PLA2G12A: variants seen among roughly 807,000 people sequenced by gnomAD.
PLA2G12A encodes group XIIA secretory phospholipase A2.
Under a neutral mutation model 16.0 loss-of-function variants are expected in PLA2G12A, and 11 were observed. That is an observed-to-expected ratio of 0.69 (90% CI 0.43 to 1.13). The LOEUF (loss-of-function observed/expected upper bound fraction) is 1.13. PLA2G12A is among the 50% of genes most tolerant of loss of function. PLA2G12A has a pLI of 0.00. For missense variants in PLA2G12A, 214 were observed against 237.3 expected (o/e 0.90, Z 0.65); for synonymous variants, 77 against 93.8 (o/e 0.82, Z 1.03).
At chr4:109,725,301 A>C (rs941944233) in intron 1 of PLA2G12A, among the ~76,000 whole-genome samples, 1 of 152,252 alleles carries the variant, frequency 6.6e-6, no homozygotes, top group Admixed American at 6.5e-5. Flanking sequence ...TTTAAATTAA[A>C]ATAGTTATTT....
chr4:109,713,190 A>T lies in PLA2G12A; in HGVS notation c.*1187T>A. On this transcript the variant is annotated 3_prime_UTR_variant, in exon 4 of 4. Transcript: ENST00000243501. ...TGGCTTGAGGTCCCAGGCTAGGGAA[A>T]GGTTAACAACCAGTAGTCAGCAAAG... is the stretch of plus-strand genomic sequence containing the variant. 6.6e-6 allele frequency: 1 copy of T among 152,214 alleles called. No homozygotes were observed. Among genetic ancestry groups the T allele is most frequent in the African/African-American group, 2.4e-5 (1 of 41,460 alleles). The allele number at this position is 152,214 out of a possible 1,614,324, so 9.4% of individuals were successfully genotyped here. A position where few individuals can be genotyped will look rare whatever the true frequency, so the allele number is the denominator to read the frequency against.
intron 2 of PLA2G12A, among the ~76,000 whole-genome samples, chr4:109,718,160 ATT>A (rs890345078): frequency 1.3e-5 from 2 of 152,084 alleles, no homozygotes; most frequent in African/African-American, 2.4e-5. Context: ...TACAACTCAA[ATT>A]TTTTTGTTTT....
chr4:109,723,212 T>TA (rs11385396), intron 1 of PLA2G12A, among the ~76,000 whole-genome samples: 89,894 of 149,358 alleles, frequency 0.6, 27,236 homozygotes, highest in African/African-American at 0.72. Context: ...TAGACAGTAG[T>TA]AAAAAAAAAA....
At chr4:109,718,550 C>CTTT (rs1248594748) in intron 2 of PLA2G12A, 133 bp downstream of exon 2, 9 of 648,944 alleles carry the variant, frequency 1.4e-5, no homozygotes, top group African/African-American at 1.9e-5. Flanking sequence ...CAAAAAGAAT[C>CTTT]TAATAAACCT....
In PLA2G12A at chr4:109,729,975, G is replaced by A. The variant is rs1170901160; in HGVS notation, c.-166C>T. The A allele has an allele frequency of 3.3e-6, 2 of 600,180 alleles. No individual in the cohort carries two copies. Among genetic ancestry groups the A allele is most frequent in the South Asian group, 4.6e-5 (2 of 43,922 alleles). 37.2% of individuals were successfully genotyped at this position (600,180 alleles called of 1,614,324 possible). The stretch of plus-strand genomic sequence containing the variant: ...GCCCTCAGGATCTCGCTGTCTTTAC[G>A]TGAACCGCCTCGGGCAGGCAGCGCC... On this transcript the variant is annotated 5_prime_UTR_variant, in exon 1 of 4. It adds an upstream start codon to the 5' untranslated region. Transcript: ENST00000243501.
Position 109,712,847 on chromosome 4 carries a change from G to C in PLA2G12A, c.*1530C>G, listed in dbSNP as rs568751068. On this transcript the variant is annotated 3_prime_UTR_variant, in exon 4 of 4. Coordinates refer to ENST00000243501, the MANE Select transcript of PLA2G12A (RefSeq NM_030821.5). ...TTACAAAACTGTACCTTTTATAAAG[G>C]TTTGAAATAAAGAATCAATTGAGGG... is the stretch of plus-strand genomic sequence containing the variant. 1 of 152,214 alleles carries C rather than the reference G, an allele frequency of 6.6e-6. No homozygotes were observed. The highest frequency in any genetic ancestry group is 2.4e-5 in the African/African-American group (1 of 41,554). 9.4% of individuals were successfully genotyped at this position (152,214 alleles called of 1,614,324 possible).
intron 3 of PLA2G12A, among the ~76,000 whole-genome samples, chr4:109,714,737 T>C (rs1276574116): frequency 6.7e-6 from 1 of 149,710 alleles, no homozygotes; most frequent in African/African-American, 2.5e-5. Flanking sequence ...CCCAATTTTT[T>C]TTTTTTTTTT....
chr4:109,723,952 TTATCC>T (rs1722868497), intron 1 of PLA2G12A, among the ~76,000 whole-genome samples: 1 of 152,130 alleles, frequency 6.6e-6, no homozygotes, highest in African/African-American at 2.4e-5. Flanking sequence ...AACATAATGT[TTATCC>T]TATGTTTCCA....
At chr4:109,718,661 T>C in intron 2 of PLA2G12A, 22 bp downstream of exon 2, 3 of 1,536,040 alleles carry the variant, frequency 2.0e-6, no homozygotes, top group Non-Finnish European at 8.9e-7. Flanking sequence ...ACAAAACTTA[T>C]CAAATAAAAG....
intron 1 of PLA2G12A, among the ~76,000 whole-genome samples, chr4:109,728,543 C>T (rs2126169323): frequency 6.6e-6 from 1 of 152,322 alleles, no homozygotes; most frequent in South Asian, 2.1e-4. Flanking sequence ...AGAAGCAATG[C>T]AACATGTCTC....
At position 109,711,631 on chromosome 4, in the gene PLA2G12A, A is replaced by C. The variant is rs1405968223; in HGVS notation, c.*2746T>G. The C allele has an allele frequency of 6.6e-6, 1 of 152,188 alleles. No individual in the cohort carries two copies. The highest frequency in any genetic ancestry group is 6.6e-5 in the Admixed American group (1 of 15,260). The allele number at this position is 152,188 out of a possible 1,614,324, so 9.4% of individuals were successfully genotyped here. On this transcript the variant is annotated 3_prime_UTR_variant, in exon 4 of 4. Coordinates refer to ENST00000243501, the MANE Select transcript of PLA2G12A (RefSeq NM_030821.5). ...CAAATTAGGGTGGGAGGGAGAAACA[A>C]ATTTTCCATATAGAAAAATTCCAAA...
At chr4:109,724,532 T>C (rs1322642553) in intron 1 of PLA2G12A, among the ~76,000 whole-genome samples, 2 of 152,178 alleles carry the variant, frequency 1.3e-5, no homozygotes, top group Admixed American at 1.3e-4. Flanking sequence ...ATTTCAAATC[T>C]ATAAAAACAT....
chr4:109,723,974 T>C (rs1417405987), intron 1 of PLA2G12A, among the ~76,000 whole-genome samples: 2 of 152,214 alleles, frequency 1.3e-5, no homozygotes, highest in East Asian at 3.8e-4. Flanking sequence ...TCCAACTTTT[T>C]AGACACCTTG....
rs776611854 is a variant in PLA2G12A at position 109,718,767 on chromosome 4, A to T, written c.209-8T>A. 6 of 1,530,310 alleles carry T rather than the reference A, an allele frequency of 3.9e-6. No individual in the cohort carries two copies. Among genetic ancestry groups the T allele is most frequent in the Non-Finnish European group, 5.3e-6 (6 of 1,127,334 alleles). The allele number at this position is 1,530,310 out of a possible 1,614,324, so 94.8% of individuals were successfully genotyped here. A position where few individuals can be genotyped will look rare whatever the true frequency, so the allele number is the denominator to read the frequency against. ...GTGGGAAAGGCTTAGATCCTATAAA[A>T]TATAATGGTATCATAATTAATTTTC... On this transcript the variant is annotated splice_polypyrimidine_tract_variant and splice_region_variant and intron_variant, in intron 1 of 3. Coordinates refer to ENST00000243501, the MANE Select transcript of PLA2G12A (RefSeq NM_030821.5).
intron 2 of PLA2G12A, among the ~76,000 whole-genome samples, 165 bp from the exon 3 acceptor site, chr4:109,717,878 T>C (rs1730855864): frequency 6.6e-6 from 1 of 152,214 alleles, no homozygotes; most frequent in Admixed American, 6.5e-5. Flanking sequence ...ATCTCCCCAT[T>C]ACACTTACCC....
intron 1 of PLA2G12A, 92 bp downstream of exon 1, chr4:109,729,510 C>G: frequency 2.2e-6 from 3 of 1,347,912 alleles, no homozygotes; most frequent in Middle Eastern, 2.7e-4. Flanking sequence ...CCGTCAAGGT[C>G]TGCCTTGCAT....
At chr4:109,719,919 C>T (rs932772485) in intron 1 of PLA2G12A, among the ~76,000 whole-genome samples, 2 of 152,050 alleles carry the variant, frequency 1.3e-5, no homozygotes, top group African/African-American at 4.8e-5. Context: ...CAAAAAAAAA[C>T]CCCACAATTA....
intron 1 of PLA2G12A, among the ~76,000 whole-genome samples, chr4:109,725,313 T>C (rs1722912340): frequency 6.6e-6 from 1 of 152,278 alleles, no homozygotes; most frequent in Non-Finnish European, 1.5e-5. Flanking sequence ...TAGTTATTTC[T>C]GAACAAGGCA....
At chr4:109,719,387 G>C (rs1730879691) in intron 1 of PLA2G12A, among the ~76,000 whole-genome samples, 1 of 151,814 alleles carries the variant, frequency 6.6e-6, no homozygotes, top group Non-Finnish European at 1.5e-5. Context: ...TGCCATCTAA[G>C]GAAAAGGTTA....
Sources: allele counts gnomAD v4.1 joint callset (sites outside exome capture counted in the v4.1 genomes callset), GRCh38; gene constraint gnomAD v4.1.1; transcripts MANE v1.5; gene names NCBI Gene and HGNC (gene_info 2026-07-23, HGNC 2026-07-21).